CALD1: variants seen among roughly 807,000 people sequenced by gnomAD.
CALD1 encodes the protein caldesmon 1, also known as caldesmon.
In CALD1, 33 loss-of-function variants were observed where a neutral mutation model predicts 99.9. The ratio of observed to expected loss-of-function variants is 0.33; its 90% CI spans 0.25 to 0.44. The LOEUF (loss-of-function observed/expected upper bound fraction) is 0.44. CALD1 is among the 20% of genes least tolerant of loss of function. CALD1 has a pLI of 1.00. For missense variants in CALD1, 861 were observed against 962.1 expected, an observed-to-expected ratio of 0.89 and a Z score of 1.39; for synonymous variants, 310 against 325.0, an observed-to-expected ratio of 0.95 and a Z score of 0.50.
chr7:134,934,988 G>T (rs551933616), intron 5 of CALD1, among the ~76,000 whole-genome samples: 1 of 151,928 alleles, frequency 6.6e-6, no homozygotes, highest in Non-Finnish European at 1.5e-5. Context: ...AAAAAAAAAA[G>T]TCAAAACCCT....
chr7:134,779,423 T>C, upstream of CALD1: 1 of 367,972 alleles, frequency 2.7e-6, no homozygotes, highest in Non-Finnish European at 4.8e-6. Flanking sequence ...GATGAGTGAT[T>C]TCCTGAGCAT....
chr7:134,746,489 G>A (rs990588676), intron 1 of CALD1, among the ~76,000 whole-genome samples: 1 of 152,208 alleles, frequency 6.6e-6, no homozygotes, highest in South Asian at 2.1e-4. Flanking sequence ...TGGGGGTGCT[G>A]CTGTATTAAA....
chr7:134,829,147 A>T (rs2132059731), intron 1 of CALD1, among the ~76,000 whole-genome samples: 1 of 152,344 alleles, frequency 6.6e-6, no homozygotes, highest in East Asian at 1.9e-4. Flanking sequence ...ATACATCCTC[A>T]TGGAGATTTC....
At chr7:134,862,775 C>T (rs1310781015) in intron 2 of CALD1, among the ~76,000 whole-genome samples, 1 of 152,098 alleles carries the variant, frequency 6.6e-6, no homozygotes, top group Admixed American at 6.6e-5. Context: ...ACAAATGTAC[C>T]ACACTACTGC....
chr7:134,872,008 A>T (rs1801104674), intron 3 of CALD1, among the ~76,000 whole-genome samples: 1 of 152,130 alleles, frequency 6.6e-6, no homozygotes, highest in Non-Finnish European at 1.5e-5. Context: ...TCGTCCACAT[A>T]TCTCCTTCTA....
At chr7:134,722,668 C>A in the CALD1 span, among the ~76,000 whole-genome samples, 2 of 152,138 alleles carry the variant, frequency 1.3e-5, no homozygotes, top group Non-Finnish European at 2.9e-5. Flanking sequence ...GATCTGCCCA[C>A]CTCAGCCTCC....
chr7:134,759,183 T>TCATTCCACAA (rs1796755915), intron 1 of CALD1, among the ~76,000 whole-genome samples: 2 of 152,150 alleles, frequency 1.3e-5, no homozygotes, highest in South Asian at 4.1e-4. Context: ...GAGTCTAGAA[T>TCATTCCACAA]ATACTAGTAA....
At chr7:134,726,741 A>G in the CALD1 span, among the ~76,000 whole-genome samples, 1 of 152,142 alleles carries the variant, frequency 6.6e-6, no homozygotes, top group Non-Finnish European at 1.5e-5. Flanking sequence ...AAAGCATTTA[A>G]TAAAAGGGTA....
At chr7:134,756,077 G>A (rs867737521) in intron 1 of CALD1, among the ~76,000 whole-genome samples, 36 of 151,758 alleles carry the variant, frequency 2.4e-4, no homozygotes, top group Admixed American at 1.0e-3. Context: ...TTTTAGTAAA[G>A]ACAGGGTTTC....
Position 134,968,432 on chromosome 7 carries a change from T to C in CALD1, c.*87T>C. 1 of 1,160,410 alleles carries C rather than the reference T, an allele frequency of 8.6e-7. No individual in the cohort carries two copies. The highest frequency in any genetic ancestry group is 1.3e-6 in the Non-Finnish European group (1 of 768,734). 71.9% of individuals were successfully genotyped at this position (1,160,410 alleles called of 1,614,324 possible). A position where few individuals can be genotyped will look rare whatever the true frequency, so the allele number is the denominator to read the frequency against. ...TCGCTCTGTTTTGTATTTATGTTGA[T>C]TTACTAAATTGGGTTCATTATCTTT... On this transcript the variant is annotated 3_prime_UTR_variant, in exon 15 of 15. Coordinates refer to ENST00000361675, the MANE Select transcript of CALD1 (RefSeq NM_033138.4).
rs111770379 is a variant in CALD1, at chr7:134,814,131, A to G, written c.-129-29753A>G. ...AGGAGGGGTAGAGGATAATATTTTC[A>G]GGAAGGAATATAGCTGTGGAGCAAG... On this transcript the variant is annotated intron_variant, in intron 1 of 14. Coordinates refer to ENST00000361675, the MANE Select transcript of CALD1 (RefSeq NM_033138.4). Among the ~76,000 whole-genome samples the G allele has an allele frequency of 2.1e-3, 313 of 152,282 alleles. 2 individuals are homozygous for G. Among genetic ancestry groups the G allele is most frequent in the Non-Finnish European group, 2.9e-3 (197 of 68,008 alleles).
chr7:134,928,709 C>T (rs149284877), intron 3 of CALD1, 45 bp from the exon 4 acceptor site: 109 of 1,588,680 alleles, frequency 6.9e-5, no homozygotes, highest in Non-Finnish European at 8.8e-5. Context: ...GGTGAAGACA[C>T]GTGGCAAGTG....
intron 3 of CALD1, among the ~76,000 whole-genome samples, chr7:134,914,045 T>C (rs1187674044): frequency 1.3e-5 from 2 of 152,208 alleles, no homozygotes; most frequent in Non-Finnish European, 1.5e-5. Context: ...AAGTATAAAA[T>C]ATAAAGCTTG....
intron 3 of CALD1, among the ~76,000 whole-genome samples, chr7:134,890,443 G>C (rs1262517589): frequency 6.6e-6 from 1 of 152,200 alleles, no homozygotes; most frequent in Non-Finnish European, 1.5e-5. Flanking sequence ...TTCCGTGAAA[G>C]CGCTCTCAAT....
intron 1 of CALD1, among the ~76,000 whole-genome samples, chr7:134,763,055 C>T (rs1689607785): frequency 6.6e-6 from 1 of 152,164 alleles, no homozygotes; most frequent in African/African-American, 2.4e-5. Flanking sequence ...CCTCTATCTA[C>T]CTATTATCTA....
chr7:134,836,143 CAAAAAAAAAAA>C lies in CALD1; in HGVS notation c.-129-7728_-129-7718del, dbSNP rs377048601. ...CTGGTGACAGAGTGAGACTTCATCTCAAAAAAAAAAAAAAAAAAAAAAAGATAAATGATATG... is the reference window on the plus strand; with the variant it reads ...CTGGTGACAGAGTGAGACTTCATCTCAAAAAAAAAAAAGATAAATGATATG... On this transcript the variant is annotated intron_variant, in intron 1 of 14. Transcript: ENST00000361675. 1.8e-3 allele frequency among the ~76,000 whole-genome samples: 122 copies of C among 68,572 alleles called. 1 individual carries two copies. Among genetic ancestry groups the C allele is most frequent in the African/African-American group, 6.6e-3 (116 of 17,478 alleles). 45.0% of individuals were successfully genotyped at this position (68,572 alleles called of 152,430 possible). A position where few individuals can be genotyped will look rare whatever the true frequency, so the allele number is the denominator to read the frequency against.
At chr7:134,898,292 G>A (rs963380080) in intron 3 of CALD1, among the ~76,000 whole-genome samples, 11 of 152,186 alleles carry the variant, frequency 7.2e-5, no homozygotes, top group South Asian at 2.1e-4. Context: ...GTGCATTAAA[G>A]TGTGCAGAAA....
At chr7:134,795,186 T>A (rs1166376567) in intron 1 of CALD1, among the ~76,000 whole-genome samples, 1 of 152,208 alleles carries the variant, frequency 6.6e-6, no homozygotes, top group Non-Finnish European at 1.5e-5. Flanking sequence ...GAAAGAAGAC[T>A]GTGTCCCCAC....
chr7:134,759,647 G>A (rs1025755199), intron 1 of CALD1, among the ~76,000 whole-genome samples: 1 of 152,214 alleles, frequency 6.6e-6, no homozygotes, highest in Non-Finnish European at 1.5e-5. Context: ...CAGAGGGCTA[G>A]GAGCTAAATT....
Sources: allele counts gnomAD v4.1 joint callset (sites outside exome capture counted in the v4.1 genomes callset), GRCh38; gene constraint gnomAD v4.1.1; transcripts MANE v1.5; gene names NCBI Gene and HGNC (gene_info 2026-07-23, HGNC 2026-07-21).